Variants in RGPD2 observed in about 807,000 individuals in gnomAD.
RGPD2 encodes the protein RANBP2 like and GRIP domain containing 2, also known as RANBP2-like and GRIP domain-containing protein 2.
Under a neutral mutation model 36.0 loss-of-function variants are expected in RGPD2, and 2 were observed. The observed-to-expected ratio is 0.06, with a 90% CI of 0.02 to 0.17. RGPD2 has a LOEUF of 0.17. Among genes scored for constraint, RGPD2 ranks in the 10% least tolerant of loss-of-function variants. The pLI, the probability that RGPD2 is intolerant of heterozygous loss-of-function variation, is 1.00. For synonymous variants in RGPD2, 19 were observed against 163.8 expected (o/e 0.12, Z 6.75); for missense variants, 40 against 464.3 (o/e 0.09, Z 8.40).
At chr2:87,957,292 TTCTC>T in the RGPD2 span, among the ~76,000 whole-genome samples, 4 of 144,030 alleles carry the variant, frequency 2.8e-5, no homozygotes, top group Admixed American at 6.8e-5. Context: ...CTTATCTGCT[TTCTC>T]TCTCTCTCTC....
At chr2:87,948,124 G>T in the RGPD2 span, among the ~76,000 whole-genome samples, 2,241 of 152,298 alleles carry the variant, frequency 0.015, 19 homozygotes, top group African/African-American at 0.051. Context: ...TCCTGTTAAA[G>T]GTAATGGATT....
chr2:87,866,417 T>A, the RGPD2 span, among the ~76,000 whole-genome samples: 1 of 152,246 alleles, frequency 6.6e-6, no homozygotes, highest in African/African-American at 2.4e-5. Flanking sequence ...TACACTTGAA[T>A]TTTTAATAAC....
chr2:87,970,421 GTGTC>G, the RGPD2 span, among the ~76,000 whole-genome samples: 1 of 151,906 alleles, frequency 6.6e-6, no homozygotes, highest in Admixed American at 6.6e-5. Context: ...CCTCAATTTA[GTGTC>G]TGTATGTGCA....
chr2:87,798,682 C>T (rs1172492485), intron 8 of RGPD2, among the ~76,000 whole-genome samples: 2 of 127,072 alleles, frequency 1.6e-5, no homozygotes, highest in Admixed American at 8.3e-5. Context: ...AGTGAAACTC[C>T]GTCTCTACTA....
At chr2:87,969,673 A>AT in the RGPD2 span, among the ~76,000 whole-genome samples, 1 of 104,936 alleles carries the variant, frequency 9.5e-6, no homozygotes, top group Non-Finnish European at 1.8e-5. Context: ...AAAAAAAAAA[A>AT]TTTACTCTTA....
At chr2:87,972,677 A>C in the RGPD2 span, 3 of 1,532,302 alleles carry the variant, frequency 2.0e-6, no homozygotes. Flanking sequence ...CAGCAGCGGG[A>C]ACGGCAGCGA....
the RGPD2 span, among the ~76,000 whole-genome samples, chr2:87,944,412 C>CAT: frequency 1.3e-5 from 1 of 76,206 alleles, no homozygotes; most frequent in Non-Finnish European, 2.3e-5. Context: ...AATAAGTATA[C>CAT]AACTTTTCAT....
chr2:87,866,024 G>A, the RGPD2 span, among the ~76,000 whole-genome samples: 3 of 97,328 alleles, frequency 3.1e-5, no homozygotes, highest in Middle Eastern at 8.2e-3. Context: ...GCATTGGTTG[G>A]CTTTGAGATA....
the RGPD2 span, among the ~76,000 whole-genome samples, chr2:87,938,642 T>TA: frequency 6.6e-5 from 2 of 30,484 alleles, no homozygotes; most frequent in African/African-American, 1.3e-4. Context: ...GATTTTACTT[T>TA]AAAAAAACTC....
At chr2:87,840,933 T>C in the RGPD2 span, among the ~76,000 whole-genome samples, 1 of 150,854 alleles carries the variant, frequency 6.6e-6, no homozygotes, top group Non-Finnish European at 1.5e-5. Flanking sequence ...CTGTTAAATT[T>C]TGACACAATC....
chr2:87,978,951 C>T, the RGPD2 span, among the ~76,000 whole-genome samples: 45 of 151,084 alleles, frequency 3.0e-4, no homozygotes, highest in African/African-American at 9.9e-4. Context: ...TGTATGTCCA[C>T]GGGCCGGGCA....
At chr2:87,955,235 C>T in the RGPD2 span, among the ~76,000 whole-genome samples, 2 of 146,614 alleles carry the variant, frequency 1.4e-5, no homozygotes, top group African/African-American at 5.1e-5. Flanking sequence ...AGGATGGTCT[C>T]GATCTCCTGA....
At chr2:87,823,932 G>T (rs1328065483) in intron 1 of RGPD2, among the ~76,000 whole-genome samples, 1 of 136,824 alleles carries the variant, frequency 7.3e-6, no homozygotes, top group African/African-American at 2.9e-5. Context: ...GGAATCAGCT[G>T]CAGAATAAGA....
the RGPD2 span, among the ~76,000 whole-genome samples, chr2:87,962,495 C>T: frequency 6.6e-6 from 1 of 152,184 alleles, no homozygotes; most frequent in African/African-American, 2.4e-5. Context: ...AAAGATGATT[C>T]TGAGCTTACC....
chr2:87,829,801 G>A (rs1686928858), upstream of RGPD2, among the ~76,000 whole-genome samples: 1 of 142,982 alleles, frequency 7.0e-6, no homozygotes, highest in Non-Finnish European at 1.5e-5. Context: ...TGAGGACACA[G>A]CCAAATCATA....
the RGPD2 span, among the ~76,000 whole-genome samples, chr2:87,859,719 G>A: frequency 6.6e-6 from 1 of 151,574 alleles, no homozygotes; most frequent in Non-Finnish European, 1.5e-5. Flanking sequence ...AAATCTAATG[G>A]GCATCTTTCA....
At chr2:87,942,270 AT>A in the RGPD2 span, among the ~76,000 whole-genome samples, 1 of 117,090 alleles carries the variant, frequency 8.5e-6, no homozygotes, top group African/African-American at 4.0e-5. Flanking sequence ...TTGAGAATGT[AT>A]CTTTAAAAAA....
chr2:87,825,130 A>T (rs1412362392), intron 1 of RGPD2: 1 of 390,762 alleles, frequency 2.6e-6, no homozygotes, highest in Non-Finnish European at 4.5e-6. Context: ...CGCTTCATTC[A>T]TTGCCCCCAC....
intron 1 of RGPD2, among the ~76,000 whole-genome samples, chr2:87,825,384 CCGCCGCCGCCGCCCGGCCA>C (rs1686672566): frequency 7.3e-6 from 1 of 137,598 alleles, no homozygotes; most frequent in African/African-American, 2.8e-5. Flanking sequence ...GCCGCCGCCG[CCGCCGCCGCCGCCCGGCCA>C]GGCCGAGGCC....
Sources: allele counts gnomAD v4.1 joint callset (sites outside exome capture counted in the v4.1 genomes callset), GRCh38; gene constraint gnomAD v4.1.1; transcripts MANE v1.5; gene names NCBI Gene and HGNC (gene_info 2026-07-23, HGNC 2026-07-21).